Variants in CCDC171 observed in about 807,000 individuals in gnomAD.
CCDC171 encodes the protein coiled-coil domain-containing protein 171.
Under a neutral mutation model 168.2 loss-of-function variants are expected in CCDC171, and 177 were observed. The observed-to-expected ratio is 1.05, with a 90% CI of 0.93 to 1.19. The LOEUF is 1.19. Among genes scored for constraint, CCDC171 ranks in the 50% most tolerant of loss-of-function variants. The pLI is 0.00. For synonymous variants in CCDC171, 687 were observed against 540.8 expected, an observed-to-expected ratio of 1.27 and a Z score of -3.75; for missense variants, 1,991 against 1,539.0, an observed-to-expected ratio of 1.29 and a Z score of -4.91.
chr9:16,103,356 T>A, the CCDC171 span, among the ~76,000 whole-genome samples: 1 of 152,184 alleles, frequency 6.6e-6, no homozygotes, highest in African/African-American at 2.4e-5. Context: ...CTCTGATTTT[T>A]TGAGTGACCT....
the CCDC171 span, among the ~76,000 whole-genome samples, chr9:16,085,893 T>C: frequency 6.6e-6 from 1 of 152,234 alleles, no homozygotes; most frequent in African/African-American, 2.4e-5. Context: ...TTTTAAAAAT[T>C]GCCTTTTTAT....
At chr9:15,930,266 A>G (rs544398377) in intron 25 of CCDC171, among the ~76,000 whole-genome samples, 1 of 151,740 alleles carries the variant, frequency 6.6e-6, no homozygotes, top group South Asian at 2.1e-4. Context: ...TTTAATTTCC[A>G]TCAAACTGTT....
chr9:15,725,175 A>C (rs1469978497), intron 14 of CCDC171, among the ~76,000 whole-genome samples, 199 bp downstream of exon 14: 1 of 152,230 alleles, frequency 6.6e-6, no homozygotes, highest in African/African-American at 2.4e-5. Flanking sequence ...TAACTTGCAC[A>C]ACTAATTTTT....
At chr9:15,728,226 G>A (rs1481328026) in intron 15 of CCDC171, among the ~76,000 whole-genome samples, 190 bp downstream of exon 15, 1 of 152,104 alleles carries the variant, frequency 6.6e-6, no homozygotes, top group Non-Finnish European at 1.5e-5. Context: ...AAATGTGACT[G>A]AAGTCTGTAT....
intron 1 of CCDC171, among the ~76,000 whole-genome samples, chr9:16,049,752 G>A (rs770966102): frequency 5.9e-5 from 9 of 152,124 alleles, no homozygotes; most frequent in Non-Finnish European, 8.8e-5. Context: ...TTCAGCCTCC[G>A]TAATCATGTG....
chr9:15,914,376 C>G (rs1824171956), intron 24 of CCDC171, among the ~76,000 whole-genome samples: 1 of 152,184 alleles, frequency 6.6e-6, no homozygotes, highest in South Asian at 2.1e-4. Flanking sequence ...GGCAGTCTGG[C>G]TACAGTGGCT....
At chr9:15,717,618 T>C (rs984261762) in intron 11 of CCDC171, among the ~76,000 whole-genome samples, 9 of 152,200 alleles carry the variant, frequency 5.9e-5, no homozygotes, top group Non-Finnish European at 1.3e-4. Context: ...AAAGAGAACC[T>C]TTTCTTGCAA....
At chr9:15,603,619 A>G (rs1211656275) in intron 6 of CCDC171, among the ~76,000 whole-genome samples, 2 of 152,152 alleles carry the variant, frequency 1.3e-5, no homozygotes, top group Non-Finnish European at 2.9e-5. Context: ...TCTATGGTGT[A>G]TATATACCAC....
chr9:16,059,561 GCGGAC>G (rs1833899415), intron 1 of CCDC171, among the ~76,000 whole-genome samples: 1 of 126,396 alleles, frequency 7.9e-6, no homozygotes, highest in African/African-American at 3.5e-5. Flanking sequence ...AGGCCGGACT[GCGGAC>G]TGCAGTGGCG....
At chr9:15,657,254 C>T (rs535380154) in intron 8 of CCDC171, 35 bp downstream of exon 8, 5 of 1,358,312 alleles carry the variant, frequency 3.7e-6, no homozygotes, top group Middle Eastern at 1.8e-4. Context: ...CCTGCATTTT[C>T]TTAATTTGTG....
At chr9:15,903,423 A>G (rs200746006) in intron 24 of CCDC171, among the ~76,000 whole-genome samples, 2 of 152,186 alleles carry the variant, frequency 1.3e-5, no homozygotes, top group Admixed American at 6.5e-5. Flanking sequence ...GGCAAACAGG[A>G]TCTGGAGTAG....
At chr9:16,046,705 C>CT (rs1412050561) in intron 1 of CCDC171, among the ~76,000 whole-genome samples, 1 of 152,170 alleles carries the variant, frequency 6.6e-6, no homozygotes, top group Non-Finnish European at 1.5e-5. Context: ...AGGGGTTTCC[C>CT]TTTCACTTGG....
At chr9:16,012,265 A>G (rs191350240) in intron 3 of CCDC171, among the ~76,000 whole-genome samples, 1 of 152,284 alleles carries the variant, frequency 6.6e-6, no homozygotes, top group African/African-American at 2.4e-5. Context: ...GCTCTGGAAG[A>G]TATTAGGATC....
intron 9 of CCDC171, among the ~76,000 whole-genome samples, chr9:15,677,522 CAG>C (rs2049670804): frequency 6.6e-6 from 1 of 151,878 alleles, no homozygotes; most frequent in African/African-American, 2.4e-5. Context: ...ATAATTTAAT[CAG>C]GGGAAACAGG....
At chr9:15,602,647 C>CTTTTTTTTTTTTT (rs1161286304) in intron 6 of CCDC171, among the ~76,000 whole-genome samples, 6 of 30,460 alleles carry the variant, frequency 2.0e-4, no homozygotes, top group Non-Finnish European at 3.0e-4. Flanking sequence ...TTTTTTTTTT[C>CTTTTTTTTTTTTT]TTTTTTTTTT....
chr9:16,055,402 C>T (rs535687953), intron 1 of CCDC171, among the ~76,000 whole-genome samples: 19 of 152,190 alleles, frequency 1.2e-4, no homozygotes, highest in Non-Finnish European at 2.2e-4. Context: ...GGGGCAGAGC[C>T]TGTGGTCCTT....
intron 9 of CCDC171, among the ~76,000 whole-genome samples, chr9:15,667,011 T>C (rs1350001006): frequency 1.3e-5 from 2 of 152,162 alleles, no homozygotes; most frequent in African/African-American, 4.8e-5. Flanking sequence ...GATGTGGAAA[T>C]TGAGGCTAAA....
intron 7 of CCDC171, among the ~76,000 whole-genome samples, chr9:15,648,234 G>A (rs955621164): frequency 3.3e-5 from 5 of 152,268 alleles, no homozygotes; most frequent in Non-Finnish European, 7.4e-5. Flanking sequence ...ATTAGGTATT[G>A]ATGGGACGTA....
chr9:15,728,085 G>A, intron 15 of CCDC171, 49 bp downstream of exon 15: 2 of 1,436,888 alleles, frequency 1.4e-6, no homozygotes, highest in Admixed American at 1.9e-5. Flanking sequence ...AGTGACATTT[G>A]TCCACATCAC....
Sources: gnomAD v4.1 joint callset for allele counts (sites outside exome capture counted in the v4.1 genomes callset) on GRCh38, gnomAD v4.1.1 for gene constraint, MANE v1.5 for transcripts, NCBI Gene and HGNC (gene_info 2026-07-23, HGNC 2026-07-21) for gene names.